Variants in UVRAG observed in about 807,000 individuals in gnomAD.
The protein encoded by UVRAG is UV radiation resistance associated.
Under a neutral mutation model 78.0 loss-of-function variants are expected in UVRAG, and 19 were observed. The observed-to-expected ratio is 0.24, with a 90% CI of 0.17 to 0.36. The LOEUF (loss-of-function observed/expected upper bound fraction) is 0.36. Among genes scored for constraint, UVRAG ranks in the 10% least tolerant of loss-of-function variants. The pLI is 1.00. For synonymous variants in UVRAG, 323 were observed against 324.6 expected, an observed-to-expected ratio of 1.00 and a Z score of 0.05; for missense variants, 740 against 853.8, an observed-to-expected ratio of 0.87 and a Z score of 1.66.
chr11:75,857,486 T>A (rs911394317), intron 2 of UVRAG, among the ~76,000 whole-genome samples: 11 of 151,472 alleles, frequency 7.3e-5, no homozygotes, highest in Non-Finnish European at 1.5e-4. Context: ...GATCTTTCTT[T>A]TTCCCCCCCC....
At position 75,938,774 on chromosome 11, in the gene UVRAG, G is replaced by T. The variant is rs138968528; in HGVS notation, c.594-22670G>T. Among the ~76,000 whole-genome samples the T allele has an allele frequency of 8.5e-5, 13 of 152,254 alleles. No homozygotes were observed. The East Asian group carries it at 2.5e-3, about 29-fold the overall frequency. On this transcript the variant is annotated intron_variant, in intron 6 of 14. Transcript: ENST00000356136. The stretch of plus-strand genomic sequence containing the variant: ...ATTTCCTCAGATGATTCACTGATCA[G>T]TACTCAGCTGAATATTTGAGTGTGA...
intron 12 of UVRAG, among the ~76,000 whole-genome samples, chr11:76,039,003 T>C (rs1001191591): frequency 1.3e-5 from 2 of 152,250 alleles, no homozygotes; most frequent in Admixed American, 1.3e-4. Context: ...TCATTTATAC[T>C]GTGCCTAGAG....
intron 1 of UVRAG, chr11:75,837,538 G>A (rs1945812695): frequency 6.6e-6 from 1 of 151,900 alleles, no homozygotes; most frequent in African/African-American, 2.4e-5. Context: ...GTTTTGGTTT[G>A]TTTTTTTCAG....
At chr11:76,040,470 T>G (rs1224308620) in intron 12 of UVRAG, among the ~76,000 whole-genome samples, 1 of 136,742 alleles carries the variant, frequency 7.3e-6, no homozygotes. Flanking sequence ...ATACTCCATC[T>G]CAAAAAAAAA....
At chr11:75,866,082 C>T (rs1946530669) in intron 3 of UVRAG, among the ~76,000 whole-genome samples, 1 of 151,986 alleles carries the variant, frequency 6.6e-6, no homozygotes, top group Non-Finnish European at 1.5e-5. Context: ...CATGGCAAAA[C>T]CCCATCTCTA....
chr11:75,957,491 C>T (rs1004926544), intron 6 of UVRAG, among the ~76,000 whole-genome samples: 6 of 151,642 alleles, frequency 4.0e-5, no homozygotes, highest in African/African-American at 1.2e-4. Flanking sequence ...TGAAATCTGG[C>T]ATATTTCAAG....
chr11:75,834,031 T>A (rs1325784875), intron 1 of UVRAG, among the ~76,000 whole-genome samples: 2 of 152,214 alleles, frequency 1.3e-5, no homozygotes, highest in African/African-American at 4.8e-5. Flanking sequence ...GGGGGGCCTG[T>A]TCCCAACAGT....
At chr11:76,083,394 C>A (rs1951533779) in intron 13 of UVRAG, among the ~76,000 whole-genome samples, 1 of 151,872 alleles carries the variant, frequency 6.6e-6, no homozygotes, top group South Asian at 2.1e-4. Flanking sequence ...TTAAAATAAG[C>A]CCTAAACAAA....
intron 5 of UVRAG, among the ~76,000 whole-genome samples, chr11:75,902,414 A>G (rs1774083831): frequency 1.3e-5 from 2 of 152,196 alleles, no homozygotes; most frequent in Admixed American, 6.5e-5. Flanking sequence ...TCTAATGCCC[A>G]CGCTGATCTG....
At chr11:76,101,795 A>G (rs1951884087) in intron 13 of UVRAG, among the ~76,000 whole-genome samples, 1 of 152,230 alleles carries the variant, frequency 6.6e-6, no homozygotes, top group African/African-American at 2.4e-5. Context: ...AGTCTTCTGC[A>G]TATGGCTAGT....
At chr11:76,053,022 A>G (rs1415041141) in intron 12 of UVRAG, among the ~76,000 whole-genome samples, 1 of 150,302 alleles carries the variant, frequency 6.7e-6, no homozygotes. Flanking sequence ...TAATAAATAT[A>G]TAGCCAGGCA....
At chr11:75,947,812 G>A (rs1001274294) in intron 6 of UVRAG, among the ~76,000 whole-genome samples, 7 of 152,094 alleles carry the variant, frequency 4.6e-5, no homozygotes, top group African/African-American at 1.2e-4. Context: ...GAATGATTAC[G>A]TCTATGGATT....
chr11:76,016,936 A>T lies in UVRAG; in HGVS notation c.1182A>T (p.Thr394=), dbSNP rs568608006. ...TAATTCATAAGGGGTCTAGATCAAC[A>T]ATCAAAGACAATATCAATGACAAAC... ...YPIIHKGSRS[T]IKDNINDKLT... is the part of the protein sequence containing the mutation. The change falls in exon 12 of 15, where the codon ACA becomes ACT. Residue 394 remains threonine, a synonymous_variant. Transcript: ENST00000356136. The T allele has an allele frequency of 1.5e-5, 24 of 1,607,508 alleles. No homozygotes were observed. The highest frequency in any genetic ancestry group is 1.5e-4 in the African/African-American group (11 of 74,928).
At chr11:76,081,867 G>A (rs190464438) in intron 13 of UVRAG, among the ~76,000 whole-genome samples, 1 of 150,476 alleles carries the variant, frequency 6.6e-6, no homozygotes, top group East Asian at 2.0e-4. Flanking sequence ...ATCAAATACT[G>A]TGCAGCCATG....
chr11:76,108,957 AAATC>A (rs1188836030), intron 13 of UVRAG, among the ~76,000 whole-genome samples: 2 of 152,184 alleles, frequency 1.3e-5, no homozygotes, highest in African/African-American at 4.8e-5. Flanking sequence ...ATGGAGTCCT[AAATC>A]AATCAAAGTA....
chr11:75,976,441 G>A (rs1199252189), intron 7 of UVRAG, among the ~76,000 whole-genome samples: 5 of 152,176 alleles, frequency 3.3e-5, no homozygotes, highest in Admixed American at 1.3e-4. Flanking sequence ...CATAAGGAAT[G>A]GTACCAGCTC....
intron 6 of UVRAG, among the ~76,000 whole-genome samples, chr11:75,946,099 G>A (rs988009388): frequency 2.0e-5 from 3 of 152,096 alleles, no homozygotes; most frequent in African/African-American, 4.8e-5. Context: ...CAGAGGGCAT[G>A]GTGAACATTT....
chr11:76,017,546 G>A (rs1038440829), intron 12 of UVRAG, among the ~76,000 whole-genome samples: 12 of 152,056 alleles, frequency 7.9e-5, no homozygotes, highest in Non-Finnish European at 1.6e-4. Context: ...ACAAATTCAA[G>A]AAGCACTAAC....
chr11:76,006,142 G>A (rs1289829399), intron 9 of UVRAG, among the ~76,000 whole-genome samples: 5 of 152,048 alleles, frequency 3.3e-5, no homozygotes, highest in Non-Finnish European at 7.4e-5. Context: ...AATCAAAAGG[G>A]GCTCATAATG....
Sources: gnomAD v4.1 joint callset for allele counts (sites outside exome capture counted in the v4.1 genomes callset) on GRCh38, gnomAD v4.1.1 for gene constraint, MANE v1.5 for transcripts, NCBI Gene and HGNC (gene_info 2026-07-23, HGNC 2026-07-21) for gene names.